PRORP: variants seen among roughly 807,000 people sequenced by gnomAD.
PRORP encodes mitochondrial ribonuclease P catalytic subunit.
PRORP carries 51 observed loss-of-function variants against 59.4 expected under a neutral mutation model. The ratio of observed to expected loss-of-function variants is 0.86; its 90% CI spans 0.69 to 1.08. The LOEUF is 1.08. PRORP is among the 50% of genes least tolerant of loss of function. PRORP has a pLI of 0.00. For missense variants in PRORP, 646 were observed against 690.3 expected (o/e 0.94, Z 0.72); for synonymous variants, 231 against 245.6 (o/e 0.94, Z 0.55).
intron 5 of PRORP, chr14:35,263,064 C>T: frequency 1.4e-6 from 2 of 1,448,658 alleles, no homozygotes; most frequent in South Asian, 2.3e-5. Context: ...GCTTCTGAAA[C>T]AAGATGCCGG....
chr14:35,270,477 A>C lies in PRORP; in HGVS notation c.1501A>C (p.Met501Leu). 6.2e-7 allele frequency: 1 copy of C among 1,614,160 alleles called. No individual in the cohort carries two copies. The highest frequency in any genetic ancestry group is 8.5e-7 in the Non-Finnish European group (1 of 1,180,022). ...CTGCAGGTTTATCACAAGAGACCTG[A>C]TGCGGGACCACAAGGCCTGTCTGCC... ...NHCRFITRDL[M>L]RDHKACLPDA... Residue 501 changes from methionine (M) to leucine (L), a missense_variant, in exon 7 of 8, where the codon ATG becomes CTG. Coordinates refer to ENST00000534898, the MANE Select transcript of PRORP (RefSeq NM_014672.4).
intron 5 of PRORP, among the ~76,000 whole-genome samples, chr14:35,199,196 A>T (rs980755000): frequency 6.8e-6 from 1 of 148,076 alleles, no homozygotes; most frequent in Non-Finnish European, 1.5e-5. Flanking sequence ...TTAGCTGGAC[A>T]TGGTGGTGCG....
At chr14:35,142,404 A>G (rs1226264996) in intron 4 of PRORP, among the ~76,000 whole-genome samples, 1 of 136,790 alleles carries the variant, frequency 7.3e-6, no homozygotes, top group Admixed American at 7.9e-5. Flanking sequence ...CTGGGGTGCA[A>G]TGGTGTGATC....
At chr14:35,261,455 G>T (rs1014449281) in intron 5 of PRORP, among the ~76,000 whole-genome samples, 19 of 152,294 alleles carry the variant, frequency 1.2e-4, no homozygotes, top group Admixed American at 1.0e-3. Context: ...AAGTAGCCAG[G>T]CGCGGTGGCT....
At chr14:35,269,222 C>G (rs2051125067) in intron 6 of PRORP, among the ~76,000 whole-genome samples, 1 of 152,130 alleles carries the variant, frequency 6.6e-6, no homozygotes, top group Admixed American at 6.5e-5. Flanking sequence ...GTAAATAACT[C>G]ATGTAAAACT....
rs528065447 is a variant in PRORP at position 35,235,901 on chromosome 14, C to CA, written c.1276-30819dup. Among the ~76,000 whole-genome samples the CA allele has an allele frequency of 4.6e-4, 70 of 151,114 alleles. 1 individual carries two copies. In the South Asian group the frequency reaches 0.014, roughly 30 times the overall value. ...GCAAGGTGACAAAACCCATCTCTAC[C>CA]AAAAAAACAAACAAAAAAACACCAC... On this transcript the variant is annotated intron_variant, in intron 5 of 7. Transcript: ENST00000534898.
intron 5 of PRORP, among the ~76,000 whole-genome samples, chr14:35,197,367 C>T (rs2049034681): frequency 6.6e-6 from 1 of 152,130 alleles, no homozygotes; most frequent in Admixed American, 6.5e-5. Context: ...GTAAGGTAAA[C>T]AGCAATTGCA....
In PRORP at chr14:35,123,740, A is replaced by G; in HGVS notation, c.495A>G (p.Val165=). The change falls in exon 2 of 8, where the codon GTA becomes GTG. Residue 165 remains valine (V), a synonymous_variant. Transcript: ENST00000534898. The part of the protein sequence containing the change: ...IDVAKSLLAW[V]AAKNNGIVSY... ...TGGCTAAATCTCTGCTGGCATGGGT[A>G]GCAGCCAAAAATAATGGTATTGTAA... 1 of 1,614,258 alleles carries G rather than the reference A, an allele frequency of 6.2e-7. No individual in the cohort carries two copies.
chr14:35,215,775 T>C lies in PRORP; in HGVS notation c.1275+34998T>C, dbSNP rs536589690. 4.0e-5 allele frequency among the ~76,000 whole-genome samples: 6 copies of C among 151,832 alleles called. No individual in the cohort carries two copies. In the South Asian group the frequency reaches 6.3e-4, roughly 16 times the overall value. On this transcript the variant is annotated intron_variant, in intron 5 of 7. Coordinates refer to ENST00000534898, the MANE Select transcript of PRORP (RefSeq NM_014672.4). ...AGTAAGACTCTATCTCTCTTTTTTT[T>C]TTTCTTGGGGGGACAGGGTCTCACC...
intron 5 of PRORP, among the ~76,000 whole-genome samples, chr14:35,229,625 C>T (rs2050022237): frequency 6.6e-6 from 1 of 152,166 alleles, no homozygotes; most frequent in Non-Finnish European, 1.5e-5. Flanking sequence ...CTTTTCATTT[C>T]AGTTACTCCC....
At chr14:35,216,389 A>C (rs538847364) in intron 5 of PRORP, among the ~76,000 whole-genome samples, 6 of 151,264 alleles carry the variant, frequency 4.0e-5, no homozygotes, top group Non-Finnish European at 8.8e-5. Flanking sequence ...AGCCCACTGC[A>C]TTCTCAACCT....
At chr14:35,210,743 C>G (rs375311501) in intron 5 of PRORP, among the ~76,000 whole-genome samples, 1 of 64,954 alleles carries the variant, frequency 1.5e-5, no homozygotes, top group African/African-American at 5.6e-5. Context: ...TTCTTCTTTT[C>G]TTTTGCCTTT....
chr14:35,257,368 T>C (rs1295429080), intron 5 of PRORP, among the ~76,000 whole-genome samples: 2 of 152,184 alleles, frequency 1.3e-5, no homozygotes, highest in Admixed American at 6.5e-5. Context: ...CATTCTCCTC[T>C]CCCTGCTGCC....
At chr14:35,235,959 A>C (rs1468446269) in intron 5 of PRORP, among the ~76,000 whole-genome samples, 3 of 151,926 alleles carry the variant, frequency 2.0e-5, no homozygotes, top group Admixed American at 6.6e-5. Context: ...AGCCAGGCAG[A>C]GTGATACACA....
At chr14:35,218,481 A>AAAAAC in intron 5 of PRORP, among the ~76,000 whole-genome samples, 1 of 146,294 alleles carries the variant, frequency 6.8e-6, no homozygotes, top group Non-Finnish European at 1.5e-5. Flanking sequence ...AAAAAAAAAA[A>AAAAAC]AAAACCAACA....
At chr14:35,272,691 G>T (rs1210990200) in intron 7 of PRORP, among the ~76,000 whole-genome samples, 1 of 152,156 alleles carries the variant, frequency 6.6e-6, no homozygotes, top group Non-Finnish European at 1.5e-5. Context: ...AATAAGACTA[G>T]AGATGAATTG....
At chr14:35,173,114 C>T (rs534486714) in intron 4 of PRORP, among the ~76,000 whole-genome samples, 1 of 151,998 alleles carries the variant, frequency 6.6e-6, no homozygotes, top group South Asian at 2.1e-4. Flanking sequence ...GTGATCCACC[C>T]ACCTGAGCCT....
intron 4 of PRORP, among the ~76,000 whole-genome samples, chr14:35,164,395 A>G (rs1049932091): frequency 2.6e-5 from 4 of 152,252 alleles, no homozygotes; most frequent in Non-Finnish European, 5.9e-5. Context: ...CCTAGTGCCA[A>G]TCAGTGGTGG....
intron 5 of PRORP, among the ~76,000 whole-genome samples, chr14:35,223,458 T>A (rs2049847096): frequency 2.6e-3 from 2 of 778 alleles, no homozygotes; most frequent in African/African-American, 0.016. Flanking sequence ...GACTTTAACT[T>A]TTTTTTTTTT....
Sources: allele counts gnomAD v4.1 joint callset (sites outside exome capture counted in the v4.1 genomes callset), GRCh38; gene constraint gnomAD v4.1.1; transcripts MANE v1.5; gene names NCBI Gene and HGNC (gene_info 2026-07-23, HGNC 2026-07-21).